Variants in SCYL3 observed in about 807,000 individuals in gnomAD.
SCYL3 encodes SCY1 like pseudokinase 3, also known as protein-associating with the carboxyl-terminal domain of ezrin.
A neutral mutation model predicts 73.8 loss-of-function variants in SCYL3; 35 were observed. That is an observed-to-expected ratio of 0.47 (90% CI 0.36 to 0.63). The LOEUF (loss-of-function observed/expected upper bound fraction) is 0.63. Among genes scored for constraint, SCYL3 ranks in the 20% least tolerant of loss-of-function variants. The pLI is 0.00. For missense variants in SCYL3, 712 were observed against 798.9 expected, an observed-to-expected ratio of 0.89 and a Z score of 1.31; for synonymous variants, 277 against 295.2, an observed-to-expected ratio of 0.94 and a Z score of 0.63.
intron 9 of SCYL3, 82 bp downstream of exon 9, chr1:169,864,287 A>T: frequency 6.4e-7 from 1 of 1,553,042 alleles, no homozygotes; most frequent in South Asian, 1.1e-5. Flanking sequence ...ACTACACCAC[A>T]CAGTAATCTC....
chr1:169,876,159 G>C, intron 3 of SCYL3, 68 bp from the exon 4 acceptor site: 1 of 915,556 alleles, frequency 1.1e-6, no homozygotes, highest in African/African-American at 1.7e-5. Flanking sequence ...TACTTCAAAA[G>C]ATGTTTTTCT....
chr1:169,869,200 T>C (rs534452493), intron 6 of SCYL3, 161 bp from the exon 7 acceptor site: 9 of 594,238 alleles, frequency 1.5e-5, no homozygotes, highest in South Asian at 5.8e-5. Context: ...GCAAAACTCA[T>C]TGGCAGGTGT....
Position 169,888,756 on chromosome 1 carries a change from C to A in SCYL3, c.85G>T (p.Ala29Ser). 1 of 1,613,936 alleles carries A rather than the reference C, an allele frequency of 6.2e-7. No homozygotes were observed. Among genetic ancestry groups the A allele is most frequent in the Non-Finnish European group, 8.5e-7 (1 of 1,179,896 alleles). The change falls in exon 2 of 13, where the codon GCT (alanine) becomes TCT (serine). Residue 29 changes from alanine (A) to serine (S), a missense_variant. By Grantham distance (99) the Ala-to-Ser change is moderately conservative (BLOSUM62 1). Around this residue, in one of 2 missense-constraint regions of SCYL3, gnomAD observed 342 missense variants for 448.1 expected, o/e 0.76. Coordinates refer to ENST00000367771, the MANE Select transcript of SCYL3 (RefSeq NM_020423.7). ...GCAAATTTGCCATCTTGCAGTACAG[C>A]GGGATAAACAGCAAGTCCAGAGGGT... is the stretch of plus-strand genomic sequence containing the variant. ...TLPSGLAVYP[A>S]VLQDGKFASV...
intron 8 of SCYL3, among the ~76,000 whole-genome samples, chr1:169,866,076 G>GTA (rs1228791814): frequency 6.6e-6 from 1 of 152,178 alleles, no homozygotes; most frequent in East Asian, 1.9e-4. Flanking sequence ...AACGGTCCAT[G>GTA]TATATCTCTA....
chr1:169,867,328 C>G (rs1276573641), intron 7 of SCYL3, among the ~76,000 whole-genome samples: 1 of 152,204 alleles, frequency 6.6e-6, no homozygotes, highest in East Asian at 1.9e-4. Flanking sequence ...TGCTGACTCT[C>G]AAGTCTCCTT....
intron 2 of SCYL3, among the ~76,000 whole-genome samples, chr1:169,884,712 CTTA>C (rs1474681736): frequency 6.6e-6 from 1 of 152,174 alleles, no homozygotes; most frequent in African/African-American, 2.4e-5. Flanking sequence ...TTCTCTTCTG[CTTA>C]TTGTTTTACT....
At chr1:169,879,449 G>T (rs1661088688) in intron 2 of SCYL3, among the ~76,000 whole-genome samples, 1 of 152,178 alleles carries the variant, frequency 6.6e-6, no homozygotes, top group Non-Finnish European at 1.5e-5. Context: ...GCATCCACTG[G>T]ATAGACCCAA....
chr1:169,855,459 T>C (rs1193911101), intron 11 of SCYL3, among the ~76,000 whole-genome samples: 1 of 152,210 alleles, frequency 6.6e-6, no homozygotes, highest in East Asian at 1.9e-4. Flanking sequence ...CAAACTTATT[T>C]AACCACAGAA....
intron 5 of SCYL3, among the ~76,000 whole-genome samples, chr1:169,872,836 C>G (rs1243878948): frequency 6.6e-6 from 1 of 152,164 alleles, no homozygotes; most frequent in Non-Finnish European, 1.5e-5. Flanking sequence ...GCTAATTTCT[C>G]CCATTTGGAA....
intron 7 of SCYL3, 101 bp downstream of exon 7, chr1:169,868,827 A>G (rs1660208223): frequency 1.4e-6 from 1 of 714,896 alleles, no homozygotes; most frequent in Admixed American, 2.3e-5. Context: ...AAACTGCATC[A>G]TTTGGTCCTC....
At chr1:169,884,358 C>T (rs1661523482) in intron 2 of SCYL3, among the ~76,000 whole-genome samples, 1 of 152,080 alleles carries the variant, frequency 6.6e-6, no homozygotes, top group South Asian at 2.1e-4. Context: ...AGTGCAATGG[C>T]GTGTTCTCAG....
chr1:169,852,045 A>C lies in SCYL3; in HGVS notation c.*1668T>G. 6.9e-7 allele frequency: 1 copy of C among 1,450,568 alleles called. No individual in the cohort carries two copies. Among genetic ancestry groups the C allele is most frequent in the Non-Finnish European group, 9.6e-7 (1 of 1,045,340 alleles). 89.9% of individuals were successfully genotyped at this position (1,450,568 alleles called of 1,614,324 possible). The stretch of plus-strand genomic sequence containing the variant: ...TTTCCAGCCTTATGCTGAATTTCAA[A>C]TCAAATAGATCTAGACATGTAAAAT... On this transcript the variant is annotated 3_prime_UTR_variant, in exon 13 of 13. Transcript: ENST00000367771.
Position 169,853,056 on chromosome 1 carries a change from T to TAA in SCYL3, c.*655_*656dup. ...AAAATACTTATGTCTGTACATTTTCTAACAGATATAAAACAAATTTTGTAA... is the reference window on the plus strand; with the variant it reads ...AAAATACTTATGTCTGTACATTTTCTAAAACAGATATAAAACAAATTTTGTAA... On this transcript the variant is annotated 3_prime_UTR_variant, in exon 13 of 13. Coordinates refer to ENST00000367771, the MANE Select transcript of SCYL3 (RefSeq NM_020423.7). 1 of 1,485,016 alleles carries TAA rather than the reference T, an allele frequency of 6.7e-7. No individual in the cohort carries two copies. The highest frequency in any genetic ancestry group is 1.2e-5 in the South Asian group (1 of 84,548). The allele number at this position is 1,485,016 out of a possible 1,614,324, so 92.0% of individuals were successfully genotyped here.
At position 169,877,566 on chromosome 1, in the gene SCYL3, A is replaced by G. The variant is rs577608522; in HGVS notation, c.351+1068T>C. ...TAAAGGAAGGTTTAGAATAGTGTGT[A>G]TAGTATATCTCCATTTGAGAAAAAA... On this transcript the variant is annotated intron_variant, in intron 3 of 12. Transcript: ENST00000367771. 2.6e-5 allele frequency among the ~76,000 whole-genome samples: 4 copies of G among 152,366 alleles called. No homozygotes were observed. In the South Asian group the frequency reaches 8.3e-4, roughly 32 times the overall value.
chr1:169,860,911 C>T (rs1272957220), intron 10 of SCYL3, among the ~76,000 whole-genome samples: 1 of 152,208 alleles, frequency 6.6e-6, no homozygotes, highest in Non-Finnish European at 1.5e-5. Flanking sequence ...TTCTAGCACA[C>T]ACAAATTGGC....
chr1:169,859,046 A>G lies in SCYL3; in HGVS notation c.1307T>C (p.Leu436Pro), dbSNP rs761286807. 29 of 1,612,332 alleles carry G rather than the reference A, an allele frequency of 1.8e-5. No homozygotes were observed. The highest frequency in any genetic ancestry group is 2.5e-5 in the Non-Finnish European group (29 of 1,179,358). Residue 436 changes from leucine to proline, a missense_variant, in exon 11 of 13, where the codon CTA becomes CCA. Physicochemically the swap from Leu to Pro is moderately conservative, Grantham distance 98. Transcript: ENST00000367771. ...PSFTKNTDLSLEGDPFSQPIK... is the reference protein window; with the variant it reads ...PSFTKNTDLSPEGDPFSQPIK... ...GACCTTTTAATAATTCTTACCTTCT[A>G]GAGAAAGGTCAGTATTTTTAGTAAA...
In SCYL3 at chr1:169,852,964, C is replaced by T. The variant is rs1183696612; in HGVS notation, c.*749G>A. 1.4e-5 allele frequency: 23 copies of T among 1,613,876 alleles called. No homozygotes were observed. The highest frequency in any genetic ancestry group is 4.5e-5 in the East Asian group (2 of 44,878). On this transcript the variant is annotated 3_prime_UTR_variant, in exon 13 of 13. Transcript: ENST00000367771. ...CCAAGAAAGGATGGATAAGCTAAAACGTTACATACATACTCTAGGGTGAAA... is the reference window on the plus strand; with the variant it reads ...CCAAGAAAGGATGGATAAGCTAAAATGTTACATACATACTCTAGGGTGAAA...
intron 2 of SCYL3, among the ~76,000 whole-genome samples, chr1:169,880,808 T>C (rs1464305216): frequency 1.3e-5 from 2 of 149,440 alleles, no homozygotes; most frequent in African/African-American, 2.5e-5. Flanking sequence ...ATCTCCTAGG[T>C]TGGAGTGCAG....
rs150803153 is a variant in SCYL3 at position 169,853,347 on chromosome 1, T to TAAAGA, written c.*361_*365dup. 0.068 allele frequency: 21,649 copies of TAAAGA among 318,112 alleles called. 996 individuals are homozygous for TAAAGA. The highest frequency in any genetic ancestry group is 0.089 in the Non-Finnish European group (15,477 of 174,470). The allele number at this position is 318,112 out of a possible 1,614,324, so 19.7% of individuals were successfully genotyped here. On this transcript the variant is annotated 3_prime_UTR_variant, in exon 13 of 13. Transcript: ENST00000367771. ...TTCATAATAGAGCTTACTCTTATGT[T>TAAAGA]AAAGAATGGCACAAAATTAAGCTAA...
Sources: gnomAD v4.1 joint callset for allele counts (sites outside exome capture counted in the v4.1 genomes callset) on GRCh38, gnomAD v4.1.1 for gene constraint, gnomAD v4.1.1 regional missense constraint, MANE v1.5 for transcripts, NCBI Gene and HGNC (gene_info 2026-07-23, HGNC 2026-07-21) for gene names.